Variants in MDFIC observed in about 807,000 individuals in gnomAD.
MDFIC encodes the protein myoD family inhibitor domain-containing protein.
In MDFIC, 17 loss-of-function variants were observed where a neutral mutation model predicts 23.2. That is an observed-to-expected ratio of 0.73 (90% CI 0.50 to 1.10). MDFIC has a LOEUF of 1.10. Among genes scored for constraint, MDFIC ranks in the 50% least tolerant of loss-of-function variants. The pLI, the probability that MDFIC is intolerant of heterozygous loss-of-function variation, is 0.00. For missense variants in MDFIC, 356 were observed against 316.6 expected, an observed-to-expected ratio of 1.12 and a Z score of -0.95; for synonymous variants, 120 against 115.2, an observed-to-expected ratio of 1.04 and a Z score of -0.27.
At chr7:114,936,971 T>C (rs1003676741) in intron 2 of MDFIC, among the ~76,000 whole-genome samples, 1 of 152,106 alleles carries the variant, frequency 6.6e-6, no homozygotes, top group Non-Finnish European at 1.5e-5. Context: ...ATATGGCATA[T>C]ATCATATTTT....
intron 4 of MDFIC, among the ~76,000 whole-genome samples, chr7:115,005,225 G>C (rs1005689265): frequency 2.0e-5 from 3 of 152,204 alleles, no homozygotes; most frequent in African/African-American, 7.2e-5. Context: ...ATTAGTGACA[G>C]AGCCAAGACC....
chr7:114,977,549 TCTCTTCTG>T (rs1793340597), intron 3 of MDFIC, among the ~76,000 whole-genome samples: 1 of 152,046 alleles, frequency 6.6e-6, no homozygotes, highest in African/African-American at 2.4e-5. Context: ...AAGCCATACT[TCTCTTCTG>T]GCAGAACTTA....
At chr7:114,992,985 C>CT (rs746640765) in intron 4 of MDFIC, among the ~76,000 whole-genome samples, 17 of 152,066 alleles carry the variant, frequency 1.1e-4, no homozygotes, top group Non-Finnish European at 2.5e-4. Context: ...TGGTCCTGGA[C>CT]TTTTTTTGGC....
chr7:114,942,736 C>A (rs2115765304), intron 3 of MDFIC, among the ~76,000 whole-genome samples: 1 of 152,212 alleles, frequency 6.6e-6, no homozygotes, highest in East Asian at 1.9e-4. Context: ...GAAGATGGAG[C>A]TAAAAGATTA....
intron 4 of MDFIC, among the ~76,000 whole-genome samples, chr7:114,991,624 T>G (rs1474106967): frequency 1.3e-5 from 2 of 152,216 alleles, no homozygotes; most frequent in African/African-American, 4.8e-5. Flanking sequence ...CCCCATTTCT[T>G]GTTTTTGTCA....
chr7:114,939,196 C>T (rs1792491953), intron 2 of MDFIC, among the ~76,000 whole-genome samples: 1 of 152,156 alleles, frequency 6.6e-6, no homozygotes, highest in African/African-American at 2.4e-5. Flanking sequence ...AGTCACAGAA[C>T]AGTCAAGTGG....
chr7:114,922,928 A>G lies in MDFIC; in HGVS notation c.-106A>G. On this transcript the variant is annotated splice_region_variant and 5_prime_UTR_variant, in exon 2 of 5. Coordinates refer to ENST00000393486, the MANE Select transcript of MDFIC (RefSeq NM_001166345.3). ...TAATTTTGTATATTTTTCCGCCAGA[A>G]GCAGTCAGTTCCCTGCACCCAGCAC... 1 of 1,590,934 alleles carries G rather than the reference A, an allele frequency of 6.3e-7. No homozygotes were observed. Among genetic ancestry groups the G allele is most frequent in the Non-Finnish European group, 8.6e-7 (1 of 1,169,580 alleles).
intron 3 of MDFIC, among the ~76,000 whole-genome samples, chr7:114,951,589 T>C (rs918158148): frequency 2.0e-5 from 3 of 152,168 alleles, no homozygotes; most frequent in African/African-American, 7.2e-5. Flanking sequence ...CTTTAGGGAG[T>C]TATATGAAGT....
At chr7:114,970,894 C>CTTCA (rs1793192167) in intron 3 of MDFIC, among the ~76,000 whole-genome samples, 1 of 152,178 alleles carries the variant, frequency 6.6e-6, no homozygotes, top group South Asian at 2.1e-4. Flanking sequence ...GGGGGCTGAA[C>CTTCA]TTCAGTTCTT....
intron 4 of MDFIC, among the ~76,000 whole-genome samples, chr7:114,993,268 G>T (rs950914981): frequency 6.6e-6 from 1 of 152,058 alleles, no homozygotes; most frequent in Non-Finnish European, 1.5e-5. Flanking sequence ...CTTGGTAGCG[G>T]TCTATCAATT....
rs368967377 is a variant in MDFIC, at chr7:115,002,577, G to C, written c.494-13111G>C. Reference sequence around the variant, plus strand: ...TTTTCCACAGTGGCCATCTCATTTTGGTGCTGTTCTTTTTAAAGAAGCACT... The same window carrying C: ...TTTTCCACAGTGGCCATCTCATTTTCGTGCTGTTCTTTTTAAAGAAGCACT... On this transcript the variant is annotated intron_variant, in intron 4 of 4. Transcript: ENST00000393486. 9.1e-4 allele frequency among the ~76,000 whole-genome samples: 139 copies of C among 152,240 alleles called. 2 individuals are homozygous for C. The South Asian group carries it at 0.028, about 30-fold the overall frequency.
At chr7:114,933,264 T>TTC (rs1792360449) in intron 2 of MDFIC, among the ~76,000 whole-genome samples, 1 of 150,806 alleles carries the variant, frequency 6.6e-6, no homozygotes, top group Admixed American at 6.6e-5. Context: ...TTTTTTTTTT[T>TTC]TTTTTTCCTT....
intron 4 of MDFIC, among the ~76,000 whole-genome samples, chr7:114,984,462 C>T (rs1172548271): frequency 6.6e-6 from 1 of 151,924 alleles, no homozygotes; most frequent in Non-Finnish European, 1.5e-5. Flanking sequence ...AATGTGTGCT[C>T]ATATTCACCA....
In MDFIC at chr7:115,017,604, T is replaced by C. The variant is rs752607425; in HGVS notation, c.*1669T>C. 5.9e-5 allele frequency: 9 copies of C among 152,286 alleles called. No homozygotes were observed. Among genetic ancestry groups the C allele is most frequent in the Non-Finnish European group, 1.2e-4 (8 of 67,882 alleles). The allele number at this position is 152,286 out of a possible 1,614,324, so 9.4% of individuals were successfully genotyped here. ...CTAATATGGCAGGTTATAATGATCC[T>C]TAAGTGTAAAGAAATCAGTCAATTA... On this transcript the variant is annotated 3_prime_UTR_variant, in exon 5 of 5. Coordinates refer to ENST00000393486, the MANE Select transcript of MDFIC (RefSeq NM_001166345.3).
At chr7:114,946,227 TG>T (rs1792642348) in intron 3 of MDFIC, among the ~76,000 whole-genome samples, 1 of 7,026 alleles carries the variant, frequency 1.4e-4, no homozygotes, top group Non-Finnish European at 2.1e-3. Context: ...GGAAGAAGAG[TG>T]TGTGTGTGTG....
Position 114,945,821 on chromosome 7 carries a change from T to C in MDFIC, c.217+3424T>C, listed in dbSNP as rs1471981280. Among the ~76,000 whole-genome samples, 7 of 152,328 alleles carry C rather than the reference T, an allele frequency of 4.6e-5. No individual in the cohort carries two copies. In the South Asian group the frequency reaches 1.2e-3, roughly 27 times the overall value. ...AAAGTTTATAATTGGAAATTCTCTTTTTTTATTTTATGACTTTTTATCCTT... is the reference window on the plus strand; with the variant it reads ...AAAGTTTATAATTGGAAATTCTCTTCTTTTATTTTATGACTTTTTATCCTT... On this transcript the variant is annotated intron_variant, in intron 3 of 4. Coordinates refer to ENST00000393486, the MANE Select transcript of MDFIC (RefSeq NM_001166345.3).
At chr7:115,015,498 T>C (rs1373218607) in intron 4 of MDFIC, among the ~76,000 whole-genome samples, 190 bp from the exon 5 acceptor site, 1 of 152,164 alleles carries the variant, frequency 6.6e-6, no homozygotes, top group Non-Finnish European at 1.5e-5. Flanking sequence ...ACTAAGTATC[T>C]ACTTCTAAAG....
intron 4 of MDFIC, among the ~76,000 whole-genome samples, chr7:114,981,365 T>C (rs1793414421): frequency 1.3e-5 from 2 of 152,234 alleles, no homozygotes; most frequent in African/African-American, 4.8e-5. Context: ...CTGAATTTAT[T>C]TGTAATGTAG....
chr7:114,948,932 C>G (rs549907539), intron 3 of MDFIC, among the ~76,000 whole-genome samples: 2 of 152,234 alleles, frequency 1.3e-5, no homozygotes, highest in East Asian at 3.9e-4. Flanking sequence ...TCTATGTATA[C>G]TTCTCTGTGT....
Sources: gnomAD v4.1 joint callset for allele counts (sites outside exome capture counted in the v4.1 genomes callset) on GRCh38, gnomAD v4.1.1 for gene constraint, MANE v1.5 for transcripts, NCBI Gene and HGNC (gene_info 2026-07-23, HGNC 2026-07-21) for gene names.